The following NEDD4L variants were observed in gnomAD, a reference collection of about 807,000 sequenced individuals.
NEDD4L encodes NEDD4 like E3 ubiquitin protein ligase.
NEDD4L carries 54 observed loss-of-function variants against 148.9 expected under a neutral mutation model. The observed-to-expected ratio is 0.36, with a 90% CI of 0.29 to 0.45. The LOEUF is 0.45. Among genes scored for constraint, NEDD4L ranks in the 20% least tolerant of loss-of-function variants. The probability of loss-of-function intolerance (pLI) is 1.00; values close to 1 mark genes in which losing one functional copy is unlikely to be tolerated. For missense variants in NEDD4L, 856 were observed against 1,233.8 expected (o/e 0.69, Z 4.59); for synonymous variants, 433 against 440.7 (o/e 0.98, Z 0.22).
intron 1 of NEDD4L, among the ~76,000 whole-genome samples, chr18:58,135,054 T>C (rs989087632): frequency 1.4e-5 from 2 of 141,668 alleles, no homozygotes; most frequent in African/African-American, 5.3e-5. Flanking sequence ...AAATCAAGGG[T>C]TTCACATTTT....
intron 2 of NEDD4L, among the ~76,000 whole-genome samples, chr18:58,169,273 C>G (rs2037262998): frequency 6.6e-6 from 1 of 152,242 alleles, no homozygotes; most frequent in African/African-American, 2.4e-5. Flanking sequence ...CGCGACTCCA[C>G]TTGAACATCT....
chr18:58,275,177 CTG>C (rs371424104), intron 5 of NEDD4L, among the ~76,000 whole-genome samples: 3 of 151,778 alleles, frequency 2.0e-5, no homozygotes, highest in South Asian at 4.1e-4. Context: ...AAATTAAATA[CTG>C]TGTTCTCATA....
chr18:58,230,844 G>T (rs558286036), intron 2 of NEDD4L, among the ~76,000 whole-genome samples: 41 of 152,296 alleles, frequency 2.7e-4, no homozygotes, highest in African/African-American at 9.9e-4. Context: ...TTAATTGAAG[G>T]CCCGTTTTGT....
intron 1 of NEDD4L, among the ~76,000 whole-genome samples, chr18:58,130,165 G>A (rs1362690664): frequency 3.4e-5 from 5 of 148,080 alleles, no homozygotes; most frequent in Non-Finnish European, 4.5e-5. Flanking sequence ...TTGGAATTTG[G>A]CTGTGATCTA....
chr18:58,279,121 C>A (rs2052607909), intron 5 of NEDD4L, among the ~76,000 whole-genome samples: 1 of 152,054 alleles, frequency 6.6e-6, no homozygotes, highest in African/African-American at 2.4e-5. Context: ...AAGTGATCCG[C>A]CCACCTTGGC....
intron 1 of NEDD4L, among the ~76,000 whole-genome samples, chr18:58,114,694 G>A (rs1273411000): frequency 6.6e-6 from 1 of 152,164 alleles, no homozygotes; most frequent in African/African-American, 2.4e-5. Context: ...GTAGGGTAGA[G>A]TCTAACATGG....
At chr18:58,165,023 G>A (rs1457295501) in intron 1 of NEDD4L, among the ~76,000 whole-genome samples, 1 of 152,180 alleles carries the variant, frequency 6.6e-6, no homozygotes, top group Non-Finnish European at 1.5e-5. Flanking sequence ...CTTCTCCTAA[G>A]CCATCTCACC....
intron 1 of NEDD4L, among the ~76,000 whole-genome samples, chr18:58,139,003 T>C (rs1362085832): frequency 6.6e-6 from 1 of 152,260 alleles, no homozygotes. Context: ...CCACCCTGGA[T>C]GAATCATCCA....
intron 1 of NEDD4L, among the ~76,000 whole-genome samples, chr18:58,164,736 TGG>T (rs1473333946): frequency 1.3e-5 from 2 of 152,236 alleles, no homozygotes; most frequent in Admixed American, 1.3e-4. Flanking sequence ...CCCAAAGTGC[TGG>T]GATTACAGGC....
chr18:58,162,619 A>G (rs2146545348), intron 1 of NEDD4L, among the ~76,000 whole-genome samples: 1 of 150,342 alleles, frequency 6.7e-6, no homozygotes, highest in African/African-American at 2.5e-5. Context: ...TCTTCCGCCT[A>G]CTAGATGGTG....
chr18:58,103,858 T>C (rs1285727442), intron 1 of NEDD4L, among the ~76,000 whole-genome samples: 1 of 152,230 alleles, frequency 6.6e-6, no homozygotes, highest in Non-Finnish European at 1.5e-5. Context: ...GGAAAGTGGT[T>C]GTGAAGAAAA....
intron 2 of NEDD4L, among the ~76,000 whole-genome samples, chr18:58,185,166 C>T (rs1462123561): frequency 6.6e-6 from 1 of 152,106 alleles, no homozygotes. Context: ...GCATTTAGTG[C>T]CACAGGAATG....
At chr18:58,119,858 G>A (rs1402379860) in intron 1 of NEDD4L, among the ~76,000 whole-genome samples, 1 of 152,198 alleles carries the variant, frequency 6.6e-6, no homozygotes, top group Non-Finnish European at 1.5e-5. Context: ...GACATTGGCG[G>A]TTTGCTTAGA....
intron 1 of NEDD4L, among the ~76,000 whole-genome samples, chr18:58,141,739 T>C (rs77215765): frequency 0.016 from 2,397 of 152,344 alleles, 57 homozygotes; most frequent in African/African-American, 0.055. Flanking sequence ...CTCATTTACA[T>C]TGAATGTAGC....
At chr18:58,165,753 G>A in intron 1 of NEDD4L, 35 bp from the exon 2 acceptor site, 3 of 1,585,482 alleles carry the variant, frequency 1.9e-6, no homozygotes. Flanking sequence ...TGAAGATCAG[G>A]TTTTTAACCT....
At chr18:58,196,720 T>C (rs1250920592) in intron 2 of NEDD4L, among the ~76,000 whole-genome samples, 13 of 148,050 alleles carry the variant, frequency 8.8e-5, no homozygotes, top group African/African-American at 2.7e-4. Flanking sequence ...CTTTTTTTTT[T>C]TTTTTTTTTT....
chr18:58,281,073 G>C (rs556134165), intron 5 of NEDD4L, among the ~76,000 whole-genome samples: 1 of 152,184 alleles, frequency 6.6e-6, no homozygotes, highest in East Asian at 1.9e-4. Flanking sequence ...GAACTCCTGG[G>C]CTCAAGCGAT....
intron 1 of NEDD4L, among the ~76,000 whole-genome samples, chr18:58,081,507 A>T (rs1033232684): frequency 2.0e-5 from 3 of 151,656 alleles, no homozygotes; most frequent in Non-Finnish European, 1.5e-5. Context: ...GAGCCACCGC[A>T]CCCAGCTGGA....
At chr18:58,394,187 C>G (rs1338873020) in intron 30 of NEDD4L, among the ~76,000 whole-genome samples, 2 of 152,176 alleles carry the variant, frequency 1.3e-5, no homozygotes, top group African/African-American at 4.8e-5. Flanking sequence ...CTGTTCATTC[C>G]GGGGATGGTG....
Sources: allele counts gnomAD v4.1 joint callset (sites outside exome capture counted in the v4.1 genomes callset), GRCh38; gene constraint gnomAD v4.1.1; transcripts MANE v1.5; gene names NCBI Gene and HGNC (gene_info 2026-07-23, HGNC 2026-07-21).